Variants in IGSF11 observed in about 807,000 individuals in gnomAD.
The protein encoded by IGSF11 is immunoglobulin superfamily member 11.
Under a neutral mutation model 41.0 loss-of-function variants are expected in IGSF11, and 22 were observed. The observed-to-expected ratio is 0.54, with a 90% CI of 0.38 to 0.77. IGSF11 has a LOEUF of 0.77. Ranked by LOEUF, IGSF11 falls within the 30% of genes least tolerant of loss-of-function variation. IGSF11 has a pLI of 0.00. For missense variants in IGSF11, 444 were observed against 530.8 expected, an observed-to-expected ratio of 0.84 and a Z score of 1.61; for synonymous variants, 219 against 201.3, an observed-to-expected ratio of 1.09 and a Z score of -0.74.
intron 1 of IGSF11, among the ~76,000 whole-genome samples, chr3:119,122,334 C>A (rs13065731): frequency 0.13 from 20,227 of 152,208 alleles, 1,401 homozygotes; most frequent in East Asian, 0.23. Context: ...ATAGCTGATA[C>A]CTGCCCACAA....
chr3:119,004,921 G>C (rs1937329299), intron 1 of IGSF11, among the ~76,000 whole-genome samples: 1 of 151,922 alleles, frequency 6.6e-6, no homozygotes, highest in African/African-American at 2.4e-5. Context: ...GTGTGGTGCT[G>C]AAAAAAATGT....
chr3:118,982,312 G>A (rs1362374593), intron 1 of IGSF11, among the ~76,000 whole-genome samples: 1 of 152,174 alleles, frequency 6.6e-6, no homozygotes, highest in Non-Finnish European at 1.5e-5. Context: ...AACATCCACT[G>A]TGCTTCATTC....
In IGSF11 at chr3:118,977,355, G is replaced by C. The variant is rs909421505; in HGVS notation, c.53-47080C>G. Reference sequence around the variant, plus strand: ...AAGGGGCAGGACCACATTCCTCAGTGCCCCACACTATATCTGGAACCTCTG... The same window carrying C: ...AAGGGGCAGGACCACATTCCTCAGTCCCCCACACTATATCTGGAACCTCTG... On this transcript the variant is annotated intron_variant, in intron 1 of 6. Coordinates refer to ENST00000393775, the MANE Select transcript of IGSF11 (RefSeq NM_001015887.3). 3.3e-5 allele frequency among the ~76,000 whole-genome samples: 5 copies of C among 152,206 alleles called. 1 individual carries two copies. Among genetic ancestry groups the C allele is most frequent in the East Asian group, 1.9e-4 (1 of 5,176 alleles).
At chr3:118,911,705 G>A (rs558047716) in intron 4 of IGSF11, among the ~76,000 whole-genome samples, 73 of 151,824 alleles carry the variant, frequency 4.8e-4, no homozygotes, top group Non-Finnish European at 9.3e-4. Context: ...GAAAGTGAGA[G>A]AGAGGAGAGG....
rs561340698 is a variant in IGSF11, at chr3:119,014,692, C to T, written c.52+19839G>A. 1.3e-4 allele frequency among the ~76,000 whole-genome samples: 20 copies of T among 152,268 alleles called. No homozygotes were observed. The South Asian group carries it at 3.7e-3, about 28-fold the overall frequency. ...GTGTGGTTTTAAAAAGATCACTTTA[C>T]CTCTCTAGATTTTTTTATTAAATGA... On this transcript the variant is annotated intron_variant, in intron 1 of 6. Transcript: ENST00000393775.
At chr3:119,032,380 G>A (rs1310221663) in intron 1 of IGSF11, among the ~76,000 whole-genome samples, 2 of 152,204 alleles carry the variant, frequency 1.3e-5, no homozygotes, top group African/African-American at 4.8e-5. Flanking sequence ...TTCTCCTGGA[G>A]ACAGGTATGC....
At chr3:118,945,650 G>T (rs558406502) in intron 1 of IGSF11, among the ~76,000 whole-genome samples, 5 of 152,322 alleles carry the variant, frequency 3.3e-5, no homozygotes, top group Non-Finnish European at 7.3e-5. Context: ...CTGATCTAGA[G>T]ATTAGTGTTA....
intron 1 of IGSF11, among the ~76,000 whole-genome samples, chr3:119,125,945 A>G (rs6438491): frequency 0.94 from 143,033 of 152,284 alleles, 67,243 homozygotes; most frequent in East Asian, 1. Context: ...GGGGCCTAGC[A>G]TCCCAGTCCT....
At chr3:119,058,181 C>G (rs1407888386) in intron 1 of IGSF11, among the ~76,000 whole-genome samples, 1 of 152,058 alleles carries the variant, frequency 6.6e-6, no homozygotes, top group African/African-American at 2.4e-5. Context: ...TCAGAGTGAA[C>G]AGGCAACCTA....
intron 1 of IGSF11, among the ~76,000 whole-genome samples, chr3:119,130,314 C>G (rs1400757780): frequency 1.3e-5 from 2 of 152,182 alleles, no homozygotes; most frequent in Non-Finnish European, 2.9e-5. Context: ...CAAGGGAATC[C>G]ATGATAGACT....
At chr3:119,044,050 C>A (rs1017500532) in intron 1 of IGSF11, among the ~76,000 whole-genome samples, 2 of 152,052 alleles carry the variant, frequency 1.3e-5, no homozygotes, top group South Asian at 2.1e-4. Flanking sequence ...GCAATCCAAA[C>A]CAAGAAAAAA....
At chr3:119,001,598 T>C (rs1233195929) in intron 1 of IGSF11, among the ~76,000 whole-genome samples, 1 of 140,686 alleles carries the variant, frequency 7.1e-6, no homozygotes, top group Non-Finnish European at 1.5e-5. Flanking sequence ...ATTAGGTATA[T>C]CTCCCAATGC....
chr3:119,145,621 C>G lies in IGSF11; in HGVS notation c.-14+192G>C, dbSNP rs74692588. On this transcript the variant is annotated intron_variant, in intron 1 of 7. Coordinates refer to the IGSF11 transcript ENST00000425327. Reference sequence around the variant, plus strand: ...TCTCTCCTCTCTCTGGCTCTCCCGCCACAGATCACATGTCTAATCCAGCAA... The same window carrying G: ...TCTCTCCTCTCTCTGGCTCTCCCGCGACAGATCACATGTCTAATCCAGCAA... 3.4e-4 allele frequency among the ~76,000 whole-genome samples: 52 copies of G among 152,312 alleles called. No individual in the cohort carries two copies. The East Asian group carries it at 9.6e-3, about 28-fold the overall frequency.
chr3:119,094,671 ATTTT>A (rs59894832), intron 1 of IGSF11, among the ~76,000 whole-genome samples: 1 of 137,476 alleles, frequency 7.3e-6, no homozygotes, highest in Non-Finnish European at 1.6e-5. Context: ...GAGCAACTCT[ATTTT>A]TTTTTTTTTT....
At chr3:118,996,429 A>G (rs1016102960) in intron 1 of IGSF11, among the ~76,000 whole-genome samples, 3 of 152,142 alleles carry the variant, frequency 2.0e-5, no homozygotes, top group Non-Finnish European at 4.4e-5. Flanking sequence ...CTTCCATGCC[A>G]CCATCATCTT....
intron 1 of IGSF11, among the ~76,000 whole-genome samples, chr3:119,090,721 T>C (rs1295208659): frequency 6.6e-6 from 1 of 152,182 alleles, no homozygotes. Context: ...TTTCACCATA[T>C]ACAAAAATTA....
intron 1 of IGSF11, among the ~76,000 whole-genome samples, chr3:118,996,231 G>A (rs1164878752): frequency 6.6e-6 from 1 of 152,230 alleles, no homozygotes; most frequent in African/African-American, 2.4e-5. Flanking sequence ...TGTTAGCAGT[G>A]TTAGCAGTTT....
chr3:118,955,219 TAC>T (rs34044399), intron 1 of IGSF11, among the ~76,000 whole-genome samples: 13,555 of 143,784 alleles, frequency 0.094, 643 homozygotes, highest in East Asian at 0.2. Context: ...TATATGTACA[TAC>T]ACACACACAC....
chr3:118,903,466 G>A (rs1939177211), intron 6 of IGSF11, among the ~76,000 whole-genome samples: 1 of 152,002 alleles, frequency 6.6e-6, no homozygotes, highest in African/African-American at 2.4e-5. Context: ...AAATAGCTGG[G>A]AAATCAAACT....
Sources: allele counts gnomAD v4.1 joint callset (sites outside exome capture counted in the v4.1 genomes callset), GRCh38; gene constraint gnomAD v4.1.1; transcripts MANE v1.5; gene names NCBI Gene and HGNC (gene_info 2026-07-23, HGNC 2026-07-21).